Variants in BCL2 observed in about 807,000 individuals in gnomAD.
BCL2 encodes apoptosis regulator Bcl-2.
Under a neutral mutation model 14.2 loss-of-function variants are expected in BCL2, and 1 was observed. That is an observed-to-expected ratio of 0.07 (90% CI 0.02 to 0.33). The LOEUF (loss-of-function observed/expected upper bound fraction) is 0.33. Among genes scored for constraint, BCL2 ranks in the 10% least tolerant of loss-of-function variants. The pLI, the probability that BCL2 is intolerant of heterozygous loss-of-function variation, is 0.99. For synonymous variants in BCL2, 151 were observed against 137.2 expected, an observed-to-expected ratio of 1.10 and a Z score of -0.70; for missense variants, 247 against 305.9, an observed-to-expected ratio of 0.81 and a Z score of 1.44.
At position 63,294,498 on chromosome 18, in the gene BCL2, G is replaced by T. The variant is rs573760663; in HGVS notation, c.585+23584C>A. Among the ~76,000 whole-genome samples, 231 of 152,120 alleles carry T rather than the reference G, an allele frequency of 1.5e-3. 1 individual carries two copies. Among genetic ancestry groups the T allele is most frequent in the African/African-American group, 5.3e-3 (220 of 41,486 alleles). On this transcript the variant is annotated intron_variant, in intron 2 of 2. Transcript: ENST00000333681. Reference sequence around the variant, plus strand: ...AGCCTGACCAACATGGTGAAACCCTGTCTCTACTAAAAATACAAAAAATTA... The same window carrying T: ...AGCCTGACCAACATGGTGAAACCCTTTCTCTACTAAAAATACAAAAAATTA...
intron 2 of BCL2, among the ~76,000 whole-genome samples, chr18:63,156,709 T>G (rs796691365): frequency 6.6e-6 from 1 of 152,158 alleles, no homozygotes; most frequent in Non-Finnish European, 1.5e-5. Context: ...CCAGACGTTG[T>G]GGGTTGGGGG....
intron 2 of BCL2, among the ~76,000 whole-genome samples, chr18:63,241,486 T>C (rs968047918): frequency 3.3e-5 from 5 of 152,180 alleles, no homozygotes; most frequent in East Asian, 3.8e-4. Flanking sequence ...GATAACTTGA[T>C]ATGATAAGAT....
intron 2 of BCL2, among the ~76,000 whole-genome samples, chr18:63,294,434 C>G (rs1459255806): frequency 6.6e-6 from 1 of 151,978 alleles, no homozygotes; most frequent in African/African-American, 2.4e-5. Context: ...TTTGGGAGGC[C>G]GAGGCCGGTA....
In BCL2 at chr18:63,124,521, C is replaced by T. The variant is rs1427866993; in HGVS notation, c.*4104G>A. On this transcript the variant is annotated 3_prime_UTR_variant, in exon 3 of 3. Transcript: ENST00000333681. ...TCGACCCCAATACAGGTCCTTCATA[C>T]CCTTAGTTCTGGTTATTCTGAAAAC... The T allele has an allele frequency of 4.3e-6, 1 of 231,836 alleles. No individual in the cohort carries two copies. Among genetic ancestry groups the T allele is most frequent in the Non-Finnish European group, 8.5e-6 (1 of 117,220 alleles). The allele number at this position is 231,836 out of a possible 1,614,324, so 14.4% of individuals were successfully genotyped here. A position where few individuals can be genotyped will look rare whatever the true frequency, so the allele number is the denominator to read the frequency against.
chr18:63,273,364 T>C (rs1912057005), intron 2 of BCL2, among the ~76,000 whole-genome samples: 1 of 152,194 alleles, frequency 6.6e-6, no homozygotes. Flanking sequence ...ATATGTAATA[T>C]GCCACCAACT....
At position 63,259,501 on chromosome 18, in the gene BCL2, G is replaced by A. The variant is rs187459797; in HGVS notation, c.585+58581C>T. ...TAACAGCTATCATATGGATGAACACGCAGGAAGCAGAACAAAGGAGCAGCA... is the reference window on the plus strand; with the variant it reads ...TAACAGCTATCATATGGATGAACACACAGGAAGCAGAACAAAGGAGCAGCA... On this transcript the variant is annotated intron_variant, in intron 2 of 2. Coordinates refer to ENST00000333681, the MANE Select transcript of BCL2 (RefSeq NM_000633.3). 5.1e-3 allele frequency among the ~76,000 whole-genome samples: 772 copies of A among 152,360 alleles called. 25 individuals are homozygous for A. The highest frequency in any genetic ancestry group is 0.044 in the Admixed American group (673 of 15,308).
chr18:63,200,982 C>A (rs1408967328), intron 2 of BCL2, among the ~76,000 whole-genome samples: 14 of 152,186 alleles, frequency 9.2e-5, no homozygotes, highest in Admixed American at 9.2e-4. Context: ...GCTGCATCCT[C>A]AGCTCCAGCA....
At chr18:63,264,532 C>T (rs553199464) in intron 2 of BCL2, among the ~76,000 whole-genome samples, 11 of 152,306 alleles carry the variant, frequency 7.2e-5, no homozygotes, top group Admixed American at 5.9e-4. Context: ...GAGAAGGGAG[C>T]AGCAGAGACA....
chr18:63,278,406 C>T (rs1912219830), intron 2 of BCL2, among the ~76,000 whole-genome samples: 2 of 152,200 alleles, frequency 1.3e-5, no homozygotes, highest in East Asian at 3.8e-4. Context: ...CTTGGGCTTC[C>T]TTTTCTGTCT....
intron 2 of BCL2, among the ~76,000 whole-genome samples, chr18:63,242,012 C>A (rs928122108): frequency 7.2e-5 from 11 of 152,318 alleles, no homozygotes; most frequent in Admixed American, 7.2e-4. Context: ...CAATGAGCAC[C>A]CCGGCTGACA....
At chr18:63,196,351 G>A (rs1418965633) in intron 2 of BCL2, among the ~76,000 whole-genome samples, 3 of 152,196 alleles carry the variant, frequency 2.0e-5, no homozygotes, top group Non-Finnish European at 4.4e-5. Flanking sequence ...AAAAAGTTCA[G>A]TTGTGCAGGC....
intron 2 of BCL2, among the ~76,000 whole-genome samples, chr18:63,132,151 T>C (rs1018755890): frequency 1.3e-5 from 2 of 152,104 alleles, no homozygotes; most frequent in Non-Finnish European, 2.9e-5. Context: ...GGAGGAGGAG[T>C]GTGGGTGAAC....
intron 2 of BCL2, among the ~76,000 whole-genome samples, chr18:63,163,671 A>G (rs1914976627): frequency 6.6e-6 from 1 of 152,216 alleles, no homozygotes; most frequent in African/African-American, 2.4e-5. Flanking sequence ...AAAACACACA[A>G]CAATAGTCAT....
chr18:63,223,671 G>A (rs1187807678), intron 2 of BCL2, among the ~76,000 whole-genome samples: 1 of 152,230 alleles, frequency 6.6e-6, no homozygotes, highest in Non-Finnish European at 1.5e-5. Flanking sequence ...TTGCAGCCAG[G>A]AGTCTGGAAG....
intron 2 of BCL2, among the ~76,000 whole-genome samples, chr18:63,173,428 T>C (rs1450822065): frequency 6.6e-6 from 1 of 152,220 alleles, no homozygotes; most frequent in Non-Finnish European, 1.5e-5. Flanking sequence ...TTTTCCCTGG[T>C]GTTTTTGAAG....
intron 2 of BCL2, among the ~76,000 whole-genome samples, chr18:63,159,668 C>T (rs757885803): frequency 1.3e-5 from 2 of 152,078 alleles, no homozygotes; most frequent in African/African-American, 4.8e-5. Context: ...TTAGGTATTG[C>T]GGGGGTGTTG....
chr18:63,215,383 T>C (rs907171721), intron 2 of BCL2, among the ~76,000 whole-genome samples: 6 of 152,242 alleles, frequency 3.9e-5, no homozygotes, highest in Non-Finnish European at 7.3e-5. Flanking sequence ...CAATAATTCA[T>C]GCTACAGTCA....
chr18:63,280,171 C>T (rs187946808), intron 2 of BCL2, among the ~76,000 whole-genome samples: 197 of 152,220 alleles, frequency 1.3e-3, no homozygotes, highest in African/African-American at 4.4e-3. Context: ...AGAAGAGTAT[C>T]CATGCCAAAC....
At chr18:63,133,245 C>T (rs1023865444) in intron 2 of BCL2, among the ~76,000 whole-genome samples, 10 of 151,998 alleles carry the variant, frequency 6.6e-5, no homozygotes, top group Admixed American at 2.0e-4. Context: ...CTCACCCCTC[C>T]GGGCCATGGA....
Sources: allele counts gnomAD v4.1 joint callset (sites outside exome capture counted in the v4.1 genomes callset), GRCh38; gene constraint gnomAD v4.1.1; transcripts MANE v1.5; gene names NCBI Gene and HGNC (gene_info 2026-07-23, HGNC 2026-07-21).